The following C14orf39 variants were observed in gnomAD, a reference collection of about 807,000 sequenced individuals.
C14orf39 encodes protein SIX6OS1.
In C14orf39, 66 loss-of-function variants were observed where a neutral mutation model predicts 85.6. That is an observed-to-expected ratio of 0.77 (90% CI 0.63 to 0.95). The LOEUF is 0.95. C14orf39 is among the 40% of genes least tolerant of loss of function. C14orf39 has a pLI of 0.00. For synonymous variants in C14orf39, 242 were observed against 214.0 expected, an observed-to-expected ratio of 1.13 and a Z score of -1.14; for missense variants, 735 against 663.9, an observed-to-expected ratio of 1.11 and a Z score of -1.18.
At chr14:60,502,348 C>T (rs1028221465) in intron 1 of C14orf39, among the ~76,000 whole-genome samples, 1 of 151,646 alleles carries the variant, frequency 6.6e-6, no homozygotes, top group Non-Finnish European at 1.5e-5. Flanking sequence ...CAGAGAAATA[C>T]AATCATTGGG....
At chr14:60,482,879 G>GGTGTGTGTGTGT (rs60206941) in intron 4 of C14orf39, among the ~76,000 whole-genome samples, 5,741 of 146,660 alleles carry the variant, frequency 0.039, 139 homozygotes, top group Non-Finnish European at 0.052. Context: ...TATATAGACA[G>GGTGTGTGTGTGT]GTGTGTGTGT....
intron 9 of C14orf39, 116 bp downstream of exon 9, chr14:60,468,329 C>A (rs1001272831): frequency 1.2e-5 from 6 of 505,538 alleles, no homozygotes; most frequent in Non-Finnish European, 2.0e-5. Flanking sequence ...ATAGCCTGCA[C>A]AACAAAATTT....
At chr14:60,512,011 ATATGTATG>A in intron 1 of C14orf39, 1 of 3,794 alleles carries the variant, frequency 2.6e-4, no homozygotes, top group Non-Finnish European at 1.8e-3. Context: ...GTATGTGCAT[ATATGTATG>A]TACCTATACA....
chr14:60,465,946 TTTAA>T, intron 11 of C14orf39, 29 bp downstream of exon 11: 1 of 1,163,594 alleles, frequency 8.6e-7, no homozygotes, highest in African/African-American at 1.6e-5. Flanking sequence ...CAAGCAGGTA[TTTAA>T]TTTATACTAC....
At position 60,514,819 on chromosome 14, in the gene C14orf39, G is replaced by A. The variant is rs532776549; in HGVS notation, c.-144+576C>T. 1.2e-4 allele frequency among the ~76,000 whole-genome samples: 18 copies of A among 152,362 alleles called. No individual in the cohort carries two copies. The South Asian group carries it at 3.3e-3, about 28-fold the overall frequency. ...GAAGCAGCTTTTCGCTCTATTCAAC[G>A]GGGACGCGAGAGCGCGGACGATTTC... On this transcript the variant is annotated intron_variant, in intron 1 of 5. Transcript: ENST00000556799.
At position 60,472,780 on chromosome 14, in the gene C14orf39, A is replaced by C. The variant is rs143535993; in HGVS notation, c.324-1041T>G. ...TAGTATTCCATGATGTATATGTGCC[A>C]CATTTTCTTAATCCAGTCTACCATT... On this transcript the variant is annotated intron_variant, in intron 5 of 17. Transcript: ENST00000321731. 3.6e-3 allele frequency among the ~76,000 whole-genome samples: 547 copies of C among 152,326 alleles called. 4 individuals carry two copies. The highest frequency in any genetic ancestry group is 0.012 in the African/African-American group (504 of 41,572).
At chr14:60,489,176 TA>T (rs1057179514), upstream of C14orf39, among the ~76,000 whole-genome samples, 2 of 152,234 alleles carry the variant, frequency 1.3e-5, no homozygotes, top group African/African-American at 4.8e-5. Context: ...TAACCTGATC[TA>T]AATCCAAAGT....
intron 1 of C14orf39, among the ~76,000 whole-genome samples, chr14:60,504,784 A>G (rs556764964): frequency 6.6e-6 from 1 of 152,374 alleles, no homozygotes; most frequent in East Asian, 1.9e-4. Flanking sequence ...TACAAAGTGT[A>G]TAATTTGTCA....
At chr14:60,511,061 C>G in intron 1 of C14orf39, 2 of 1,610,528 alleles carry the variant, frequency 1.2e-6, no homozygotes, top group Non-Finnish European at 8.5e-7. Flanking sequence ...AGCTGTGACC[C>G]GTGTTCCCTT....
chr14:60,448,390 C>T (rs1256899025), intron 16 of C14orf39, among the ~76,000 whole-genome samples: 14 of 152,266 alleles, frequency 9.2e-5, no homozygotes, highest in Admixed American at 9.2e-4. Flanking sequence ...AGACACTTCT[C>T]AAAAGCAGAC....
intron 4 of C14orf39, among the ~76,000 whole-genome samples, chr14:60,480,370 A>C (rs1406092492): frequency 1.3e-5 from 2 of 152,174 alleles, no homozygotes; most frequent in African/African-American, 4.8e-5. Flanking sequence ...AGGAGGTCGC[A>C]GTGAGTGAGA....
chr14:60,509,612 C>T (rs1876669752), intron 1 of C14orf39: 8 of 1,613,628 alleles, frequency 5.0e-6, no homozygotes, highest in Middle Eastern at 1.6e-4. Context: ...CGAGCTCTAT[C>T]ATATCCTGGA....
At position 60,436,977 on chromosome 14, in the gene C14orf39, A is replaced by G; in HGVS notation, c.1632T>C (p.His544=). The G allele has an allele frequency of 1.2e-6, 2 of 1,613,168 alleles. No homozygotes were observed. The highest frequency in any genetic ancestry group is 1.7e-6 in the Non-Finnish European group (2 of 1,179,438). The change falls in exon 18 of 18, where the codon CAT becomes CAC. Residue 544 remains histidine, a synonymous_variant. Coordinates refer to ENST00000321731, the MANE Select transcript of C14orf39 (RefSeq NM_174978.3). ...TFSFPSDTST[H]TFGAGKDDFS... is the part of the protein sequence containing the mutation. ...AATCATCTTTTCCAGCTCCAAATGT[A>G]TGAGTTGAAGTGTCTGATGGAAAAG...
intron 17 of C14orf39, among the ~76,000 whole-genome samples, chr14:60,438,041 T>C (rs1215737610): frequency 3.3e-5 from 5 of 151,880 alleles, no homozygotes; most frequent in Non-Finnish European, 7.4e-5. Flanking sequence ...TAATCAAATA[T>C]GTACTTGAAA....
intron 7 of C14orf39, among the ~76,000 whole-genome samples, chr14:60,469,929 GTTT>G (rs373485742): frequency 8.3e-5 from 9 of 108,264 alleles, no homozygotes; most frequent in African/African-American, 2.4e-4. Context: ...TCACAGGGTA[GTTT>G]TTTTTTTTTT....
chr14:60,509,417 T>C (rs1447268105), intron 1 of C14orf39: 1 of 1,599,542 alleles, frequency 6.3e-7, no homozygotes, highest in Admixed American at 1.7e-5. Flanking sequence ...GCTGCCCATC[T>C]TGAATTTCAG....
Position 60,484,880 on chromosome 14 carries a change from C to A in C14orf39, c.106+1G>T. 6.4e-7 allele frequency: 1 copy of A among 1,554,198 alleles called. No individual in the cohort carries two copies. Among genetic ancestry groups the A allele is most frequent in the Non-Finnish European group, 8.8e-7 (1 of 1,139,844 alleles). On this transcript the variant is annotated splice_donor_variant, in intron 3 of 17. Coordinates refer to ENST00000321731, the MANE Select transcript of C14orf39 (RefSeq NM_174978.3). LOFTEE classifies it high-confidence loss of function. The surrounding 1 kb of genome is among the most constrained non-coding windows in gnomAD (Gnocchi z 4.2). ...TATCTTGATCATGCAAAGCTACTTA[C>A]TATTAATTCTTTGAATCATCTCTTC...
chr14:60,460,476 T>A (rs1249537377), intron 13 of C14orf39, among the ~76,000 whole-genome samples: 3 of 151,902 alleles, frequency 2.0e-5, no homozygotes. Flanking sequence ...TATATCTATT[T>A]CATGCTGTCA....
intron 7 of C14orf39, among the ~76,000 whole-genome samples, chr14:60,469,992 A>T (rs1891999708): frequency 6.9e-6 from 1 of 144,580 alleles, no homozygotes; most frequent in Non-Finnish European, 1.5e-5. Context: ...CATAACTAAT[A>T]AAACATAATT....
Sources: gnomAD v4.1 joint callset for allele counts (sites outside exome capture counted in the v4.1 genomes callset) on GRCh38, gnomAD v4.1.1 for gene constraint, Gnocchi (gnomAD v3.1) non-coding constraint, MANE v1.5 for transcripts, NCBI Gene and HGNC (gene_info 2026-07-23, HGNC 2026-07-21) for gene names.